The following MYO9A variants were observed in gnomAD, a reference collection of about 807,000 sequenced individuals.
MYO9A encodes unconventional myosin-IXa.
MYO9A carries 103 observed loss-of-function variants against 293.3 expected under a neutral mutation model. That is an observed-to-expected ratio of 0.35 (90% confidence interval 0.30 to 0.41). MYO9A has a LOEUF of 0.41. MYO9A is among the 10% of genes least tolerant of loss of function. The pLI, the probability that MYO9A is intolerant of heterozygous loss-of-function variation, is 1.00. For missense variants in MYO9A, 2,685 were observed against 3,033.0 expected, an observed-to-expected ratio of 0.89 and a Z score of 2.69; for synonymous variants, 1,001 against 1,035.7, an observed-to-expected ratio of 0.97 and a Z score of 0.64.
Position 71,833,742 on chromosome 15 carries a change from A to G in MYO9A, c.6838-3431T>C, listed in dbSNP as rs2054825821. Reference sequence around the variant, plus strand: ...TCTAATAATGTAGTTACAAAGAGAAAATTAAAAATTCTTGTATACTCAGAA... The same window carrying G: ...TCTAATAATGTAGTTACAAAGAGAAGATTAAAAATTCTTGTATACTCAGAA... On this transcript the variant is annotated intron_variant, in intron 39 of 41. Coordinates refer to ENST00000356056, the MANE Select transcript of MYO9A (RefSeq NM_006901.4). Among the ~76,000 whole-genome samples the G allele has an allele frequency of 9.2e-5, 14 of 152,244 alleles. No individual in the cohort carries two copies. The South Asian group carries it at 2.5e-3, about 27-fold the overall frequency.
chr15:71,922,133 A>C (rs2058172411), intron 18 of MYO9A, among the ~76,000 whole-genome samples: 1 of 152,040 alleles, frequency 6.6e-6, no homozygotes, highest in South Asian at 2.1e-4. Flanking sequence ...ACGTGCCACC[A>C]CGCCCAGCTA....
chr15:71,892,456 T>A (rs2057205270), intron 26 of MYO9A: 1 of 152,250 alleles, frequency 6.6e-6, no homozygotes, highest in South Asian at 2.1e-4. Context: ...AGACCAAGGA[T>A]CAGTAAACTA....
At chr15:71,848,772 A>T in intron 39 of MYO9A, 73 bp downstream of exon 39, 2 of 1,509,482 alleles carry the variant, frequency 1.3e-6, no homozygotes, top group Middle Eastern at 1.8e-4. Flanking sequence ...TAATCCTTGT[A>T]TACACCACAA....
In MYO9A at chr15:71,999,907, T is replaced by C; in HGVS notation, c.1414A>G (p.Thr472Ala). Residue 472 changes from threonine (T) to alanine (A), a missense_variant, in exon 9 of 42, where the codon ACA becomes GCA. Physicochemically the swap from Thr to Ala is moderately conservative, Grantham distance 58. Coordinates refer to ENST00000356056, the MANE Select transcript of MYO9A (RefSeq NM_006901.4). ...KEEMLFEALV[T>A]RKTVTVGEKL... ...TCTCCCACTGTCACCGTCTTCCTTG[T>C]AACTAATGCTTCAAATAGCATCTCT... is the stretch of plus-strand genomic sequence containing the variant. 6.2e-7 allele frequency: 1 copy of C among 1,612,834 alleles called. No individual in the cohort carries two copies. The highest frequency in any genetic ancestry group is 1.1e-5 in the South Asian group (1 of 90,870).
In MYO9A at chr15:71,860,969, C is replaced by CAAAAAAAAAAAAAAAA. The variant is rs61030744; in HGVS notation, c.6092-1189_6092-1174dup. 5.6e-4 allele frequency among the ~76,000 whole-genome samples: 18 copies of CAAAAAAAAAAAAAAAA among 32,418 alleles called. 1 individual carries two copies. The highest frequency in any genetic ancestry group is 1.4e-3 in the South Asian group (1 of 704). The allele number at this position is 32,418 out of a possible 152,430, so 21.3% of individuals were successfully genotyped here. On this transcript the variant is annotated intron_variant, in intron 33 of 41. Coordinates refer to ENST00000356056, the MANE Select transcript of MYO9A (RefSeq NM_006901.4). ...GCAACAAAGTTAGACTCCATCTCAC[C>CAAAAAAAAAAAAAAAA]AAAAAAAAAAAAAAAAAAAAAAAAA... is the stretch of plus-strand genomic sequence containing the variant.
chr15:71,907,710 T>C (rs1221314562), intron 19 of MYO9A, among the ~76,000 whole-genome samples: 2 of 151,688 alleles, frequency 1.3e-5, no homozygotes, highest in Admixed American at 6.6e-5. Flanking sequence ...GTGAGCATTT[T>C]TTCATGTGTT....
chr15:71,871,413 T>C (rs2056509367), intron 32 of MYO9A, among the ~76,000 whole-genome samples: 1 of 151,418 alleles, frequency 6.6e-6, no homozygotes, highest in African/African-American at 2.4e-5. Context: ...AAAAAAGGTA[T>C]GAATGGACAG....
chr15:72,080,382 T>C (rs1212797993), intron 1 of MYO9A, among the ~76,000 whole-genome samples: 2 of 151,296 alleles, frequency 1.3e-5, no homozygotes, highest in Non-Finnish European at 2.9e-5. Flanking sequence ...CATGAGAAGT[T>C]TCTCTGGGAG....
chr15:72,015,198 G>T (rs2077295293), intron 6 of MYO9A, among the ~76,000 whole-genome samples: 1 of 151,942 alleles, frequency 6.6e-6, no homozygotes, highest in Non-Finnish European at 1.5e-5. Context: ...TGTGGAGTAT[G>T]CAGAGACCTT....
intron 41 of MYO9A, among the ~76,000 whole-genome samples, chr15:71,827,610 G>A (rs1595975787): frequency 2.6e-5 from 4 of 151,910 alleles, no homozygotes; most frequent in African/African-American, 9.7e-5. Context: ...AAGACAACAG[G>A]AAAAAAAAGA....
intron 26 of MYO9A, chr15:71,889,443 C>T (rs1180964230): frequency 1.5e-5 from 2 of 135,116 alleles, no homozygotes; most frequent in Non-Finnish European, 3.1e-5. Context: ...GTCTAACAAA[C>T]CTTTTTTTTT....
At chr15:72,099,225 G>A (rs1194462379) in intron 1 of MYO9A, among the ~76,000 whole-genome samples, 1 of 151,894 alleles carries the variant, frequency 6.6e-6, no homozygotes, top group Non-Finnish European at 1.5e-5. Flanking sequence ...GATCAACTGA[G>A]GCCAGAAGTT....
chr15:71,877,646 T>C (rs1049148318), intron 31 of MYO9A, among the ~76,000 whole-genome samples: 3 of 152,086 alleles, frequency 2.0e-5, no homozygotes, highest in African/African-American at 7.2e-5. Context: ...TTAGTAGAGA[T>C]AGGTTTTTGA....
In MYO9A at chr15:72,046,625, G is replaced by A; in HGVS notation, c.-62C>T. 6.2e-6 allele frequency: 9 copies of A among 1,443,904 alleles called. No homozygotes were observed. In the South Asian group the frequency reaches 6.9e-5, roughly 11 times the overall value. 89.4% of individuals were successfully genotyped at this position (1,443,904 alleles called of 1,614,324 possible). A position where few individuals can be genotyped will look rare whatever the true frequency, so the allele number is the denominator to read the frequency against. On this transcript the variant is annotated 5_prime_UTR_variant, in exon 2 of 42. Transcript: ENST00000356056. ...TCAAAGTCGTGCAAACCATTTTCTTGGTAAAATAACTGTAACATAAAAGAT... is the reference window on the plus strand; with the variant it reads ...TCAAAGTCGTGCAAACCATTTTCTTAGTAAAATAACTGTAACATAAAAGAT...
intron 1 of MYO9A, among the ~76,000 whole-genome samples, chr15:72,103,290 CAGCAGCAGCAGAAGCAGAAGCAGCAGCA>C (rs1327873005): frequency 1.5e-5 from 2 of 135,246 alleles, no homozygotes; most frequent in East Asian, 2.4e-4. Flanking sequence ...CAGCAGCAAG[CAGCAGCAGCAGAAGCAGAAGCAGCAGCA>C]AGCAGCAGCA....
intron 18 of MYO9A, among the ~76,000 whole-genome samples, chr15:71,919,171 C>T (rs2058089002): frequency 6.6e-6 from 1 of 152,170 alleles, no homozygotes; most frequent in Admixed American, 6.6e-5. Flanking sequence ...TGCAGTGCCA[C>T]GCACTGTGGC....
chr15:71,859,712 A>C, intron 34 of MYO9A, 23 bp downstream of exon 34: 1 of 1,589,324 alleles, frequency 6.3e-7, no homozygotes, highest in Non-Finnish European at 8.6e-7. Flanking sequence ...GTTATCTATT[A>C]CTGATAGGTG....
chr15:71,964,714 G>C (rs537920518), intron 13 of MYO9A, among the ~76,000 whole-genome samples: 2 of 152,010 alleles, frequency 1.3e-5, no homozygotes, highest in African/African-American at 4.8e-5. Flanking sequence ...TTGAACCCGG[G>C]AGGCAGAGGT....
At position 72,071,928 on chromosome 15, in the gene MYO9A, G is replaced by C. The variant is rs148454539; in HGVS notation, c.-71-25294C>G. On this transcript the variant is annotated intron_variant, in intron 1 of 41. Transcript: ENST00000356056. ...TATCAAAAAGATACCTGCTTAGCCA[G>C]GTGTGGCGGTATATGCCTGTAGTCC... Among the ~76,000 whole-genome samples, 483 of 151,582 alleles carry C rather than the reference G, an allele frequency of 3.2e-3. 2 individuals are homozygous for C. Among genetic ancestry groups the C allele is most frequent in the African/African-American group, 0.011 (463 of 41,320 alleles).
Sources: gnomAD v4.1 joint callset for allele counts (sites outside exome capture counted in the v4.1 genomes callset) on GRCh38, gnomAD v4.1.1 for gene constraint, MANE v1.5 for transcripts, NCBI Gene and HGNC (gene_info 2026-07-23, HGNC 2026-07-21) for gene names.